The following LRRTM4 variants were observed in gnomAD, a reference collection of about 807,000 sequenced individuals.
The protein encoded by LRRTM4 is leucine rich repeat transmembrane neuronal 4, also known as leucine-rich repeat transmembrane neuronal protein 4.
Under a neutral mutation model 47.6 loss-of-function variants are expected in LRRTM4, and 25 were observed. That is an observed-to-expected ratio of 0.53 (90% CI 0.38 to 0.73). The LOEUF is 0.73. LRRTM4 is among the 30% of genes least tolerant of loss of function. The pLI is 0.00. For synonymous variants in LRRTM4, 311 were observed against 269.5 expected, an observed-to-expected ratio of 1.15 and a Z score of -1.51; for missense variants, 638 against 713.4, an observed-to-expected ratio of 0.89 and a Z score of 1.20.
At chr2:76,754,563 G>A (rs1477292686) in intron 3 of LRRTM4, among the ~76,000 whole-genome samples, 1 of 152,206 alleles carries the variant, frequency 6.6e-6, no homozygotes, top group East Asian at 1.9e-4. Flanking sequence ...TTCATATCCT[G>A]GCTGCCAAAT....
intron 3 of LRRTM4, among the ~76,000 whole-genome samples, chr2:76,907,647 A>G (rs1365813976): frequency 2.5e-5 from 3 of 121,156 alleles, no homozygotes; most frequent in Admixed American, 9.2e-5. Flanking sequence ...GCAATAAAAA[A>G]TGATAAAGGG....
chr2:76,959,052 G>C (rs1000696688), intron 3 of LRRTM4, among the ~76,000 whole-genome samples: 1 of 151,588 alleles, frequency 6.6e-6, no homozygotes, highest in Non-Finnish European at 1.5e-5. Context: ...ATTGCTTTTT[G>C]GCCACTTTCT....
intron 3 of LRRTM4, among the ~76,000 whole-genome samples, chr2:77,188,165 A>C (rs1300577063): frequency 6.6e-6 from 1 of 152,138 alleles, no homozygotes; most frequent in Non-Finnish European, 1.5e-5. Context: ...AAGTTGCTCT[A>C]TCCTATCAAA....
At chr2:77,039,994 T>C (rs1678970311) in intron 3 of LRRTM4, among the ~76,000 whole-genome samples, 2 of 151,156 alleles carry the variant, frequency 1.3e-5, no homozygotes, top group African/African-American at 2.4e-5. Flanking sequence ...TAATCAAAAG[T>C]ATGAGGATGT....
At chr2:77,015,073 G>C (rs149262255) in intron 3 of LRRTM4, among the ~76,000 whole-genome samples, 5 of 152,132 alleles carry the variant, frequency 3.3e-5, no homozygotes, top group African/African-American at 9.6e-5. Flanking sequence ...GGATGAGTCT[G>C]ATTAGATCAG....
chr2:77,196,752 TAAATA>T (rs1673838185), intron 3 of LRRTM4, among the ~76,000 whole-genome samples: 1 of 152,008 alleles, frequency 6.6e-6, no homozygotes, highest in Non-Finnish European at 1.5e-5. Flanking sequence ...AATAATAAAT[TAAATA>T]AAATAAAAAA....
At chr2:76,783,172 T>TATCA (rs1558649959) in intron 3 of LRRTM4, among the ~76,000 whole-genome samples, 1 of 152,148 alleles carries the variant, frequency 6.6e-6, no homozygotes, top group Admixed American at 6.6e-5. Context: ...TGAATAAATA[T>TATCA]ATCACATTAT....
intron 3 of LRRTM4, among the ~76,000 whole-genome samples, chr2:77,223,507 A>G (rs2103953970): frequency 6.6e-6 from 1 of 152,346 alleles, no homozygotes; most frequent in East Asian, 1.9e-4. Flanking sequence ...CAACTTCGGC[A>G]AAGTCTCAGG....
At chr2:77,197,390 T>C (rs1259677875) in intron 3 of LRRTM4, among the ~76,000 whole-genome samples, 12 of 152,100 alleles carry the variant, frequency 7.9e-5, no homozygotes, top group Non-Finnish European at 2.9e-5. Flanking sequence ...TAAAATATGA[T>C]AGTAAAATTG....
At chr2:77,082,115 A>G (rs1020750725) in intron 3 of LRRTM4, among the ~76,000 whole-genome samples, 4 of 152,144 alleles carry the variant, frequency 2.6e-5, no homozygotes, top group Non-Finnish European at 5.9e-5. Context: ...AGATCCAAGA[A>G]GAATACTTCA....
At chr2:77,356,229 T>C (rs1383210651) in intron 3 of LRRTM4, among the ~76,000 whole-genome samples, 1 of 152,226 alleles carries the variant, frequency 6.6e-6, no homozygotes, top group African/African-American at 2.4e-5. Context: ...ATTTTAGGAA[T>C]ACTTATTAGA....
chr2:77,213,221 G>A (rs893545239), intron 3 of LRRTM4, among the ~76,000 whole-genome samples: 2 of 152,136 alleles, frequency 1.3e-5, no homozygotes, highest in African/African-American at 4.8e-5. Context: ...CATGTCAGCT[G>A]TAAAGTAGGG....
intron 3 of LRRTM4, among the ~76,000 whole-genome samples, chr2:76,862,131 T>C (rs2104012811): frequency 6.6e-6 from 1 of 152,252 alleles, no homozygotes; most frequent in African/African-American, 2.4e-5. Context: ...TAACAACACT[T>C]GTTTGTTCCA....
intron 3 of LRRTM4, among the ~76,000 whole-genome samples, chr2:77,442,245 T>A (rs1461055483): frequency 1.3e-5 from 2 of 152,160 alleles, no homozygotes; most frequent in African/African-American, 2.4e-5. Context: ...TATAAATGAA[T>A]GTAAAAATAT....
At chr2:77,403,020 T>C (rs1195474212) in intron 3 of LRRTM4, among the ~76,000 whole-genome samples, 2 of 152,030 alleles carry the variant, frequency 1.3e-5, no homozygotes, top group Non-Finnish European at 2.9e-5. Flanking sequence ...TTAAGATTCC[T>C]GTATTTTCAT....
At chr2:76,896,022 T>C (rs968915229) in intron 3 of LRRTM4, among the ~76,000 whole-genome samples, 5 of 152,080 alleles carry the variant, frequency 3.3e-5, no homozygotes, top group African/African-American at 9.7e-5. Flanking sequence ...CAGGGCAAAT[T>C]TGTGCCAAGT....
intron 3 of LRRTM4, among the ~76,000 whole-genome samples, chr2:76,920,850 C>A (rs1417186988): frequency 6.6e-6 from 1 of 152,038 alleles, no homozygotes; most frequent in African/African-American, 2.4e-5. Context: ...TTTACTGAAA[C>A]TATTTTTCCT....
chr2:77,040,475 A>G (rs970661345), intron 3 of LRRTM4, among the ~76,000 whole-genome samples: 1 of 151,276 alleles, frequency 6.6e-6, no homozygotes, highest in Non-Finnish European at 1.5e-5. Context: ...AAATTTAGTA[A>G]AGAGAGAGAG....
intron 3 of LRRTM4, among the ~76,000 whole-genome samples, chr2:76,784,745 G>T (rs922646275): frequency 1.3e-5 from 2 of 151,954 alleles, no homozygotes; most frequent in Non-Finnish European, 2.9e-5. Context: ...TACCGTAACT[G>T]TGCTGGCCAG....
Sources: allele counts gnomAD v4.1 joint callset (sites outside exome capture counted in the v4.1 genomes callset), GRCh38; gene constraint gnomAD v4.1.1; transcripts MANE v1.5; gene names NCBI Gene and HGNC (gene_info 2026-07-23, HGNC 2026-07-21).